NUP93: variants seen among roughly 807,000 people sequenced by gnomAD.
NUP93 encodes nuclear pore complex protein Nup93.
In NUP93, 55 loss-of-function variants were observed where a neutral mutation model predicts 107.8. The observed-to-expected ratio is 0.51, with a 90% CI of 0.41 to 0.64. NUP93 has a LOEUF of 0.64. Among genes scored for constraint, NUP93 ranks in the 30% least tolerant of loss-of-function variants. The pLI is 0.00. For synonymous variants in NUP93, 390 were observed against 397.5 expected, an observed-to-expected ratio of 0.98 and a Z score of 0.22; for missense variants, 937 against 1,044.7, an observed-to-expected ratio of 0.90 and a Z score of 1.42.
chr16:56,825,541 T>C (rs1333249828), intron 8 of NUP93, among the ~76,000 whole-genome samples: 7 of 151,910 alleles, frequency 4.6e-5, no homozygotes, highest in Admixed American at 3.9e-4. Flanking sequence ...TTTCAATGAG[T>C]GTAAGTGTAT....
At chr16:56,755,380 T>C (rs1291104350) in intron 2 of NUP93, among the ~76,000 whole-genome samples, 4 of 151,828 alleles carry the variant, frequency 2.6e-5, no homozygotes, top group Admixed American at 6.6e-5. Flanking sequence ...CTGTATATTG[T>C]GTGATTGCAT....
intron 21 of NUP93, among the ~76,000 whole-genome samples, chr16:56,842,169 A>G (rs548711955): frequency 6.6e-6 from 1 of 152,292 alleles, no homozygotes; most frequent in South Asian, 2.1e-4. Context: ...ATTAGTGAAC[A>G]CTTTTATTAA....
chr16:56,757,989 T>C (rs1962056038), intron 2 of NUP93, among the ~76,000 whole-genome samples: 1 of 151,922 alleles, frequency 6.6e-6, no homozygotes, highest in African/African-American at 2.4e-5. Context: ...GAGAATCACA[T>C]GAACCTGGGA....
chr16:56,843,985 A>G (rs1257222684), intron 21 of NUP93, among the ~76,000 whole-genome samples: 1 of 152,194 alleles, frequency 6.6e-6, no homozygotes, highest in Non-Finnish European at 1.5e-5. Flanking sequence ...GAAGGGAGAA[A>G]CAGGAGGAAT....
rs1964154117 is a variant in NUP93 at position 56,849,621 on chromosome 16, G to A, written c.*5012G>A. The A allele has an allele frequency of 6.6e-6, 1 of 152,172 alleles. No homozygotes were observed. The highest frequency in any genetic ancestry group is 1.5e-5 in the Non-Finnish European group (1 of 68,050). The allele number at this position is 152,172 out of a possible 1,614,324, so 9.4% of individuals were successfully genotyped here. A position where few individuals can be genotyped will look rare whatever the true frequency, so the allele number is the denominator to read the frequency against. On this transcript the variant is annotated 3_prime_UTR_variant, in exon 22 of 22. Transcript: ENST00000308159. ...GCCTGCAGGTAAGGCCCCTTCATCC[G>A]GGTCAGACTTAGCAAATAAAAATAT...
At chr16:56,805,711 T>A in intron 5 of NUP93, 79 bp downstream of exon 5, 1 of 1,474,420 alleles carries the variant, frequency 6.8e-7, no homozygotes, top group Non-Finnish European at 9.3e-7. Flanking sequence ...ACTAGTATTT[T>A]TGGCACAGTG....
At chr16:56,798,682 A>G (rs1354712095) in intron 4 of NUP93, 144 bp downstream of exon 4, 11 of 669,044 alleles carry the variant, frequency 1.6e-5, no homozygotes, top group East Asian at 2.8e-5. Context: ...AGCCTAGGCA[A>G]CATAGTGAGA....
At chr16:56,801,497 C>T (rs1203744120) in intron 4 of NUP93, among the ~76,000 whole-genome samples, 1 of 151,800 alleles carries the variant, frequency 6.6e-6, no homozygotes, top group Admixed American at 6.6e-5. Context: ...ACCGCAACCT[C>T]CATCTCCAGG....
chr16:56,839,654 C>A, intron 20 of NUP93, 50 bp downstream of exon 20: 1 of 1,415,402 alleles, frequency 7.1e-7, no homozygotes, highest in Non-Finnish European at 1.0e-6. Context: ...CCACTTCCAC[C>A]AAAAGCTTTT....
intron 5 of NUP93, among the ~76,000 whole-genome samples, chr16:56,817,410 C>T (rs1963455897): frequency 6.6e-6 from 1 of 152,208 alleles, no homozygotes; most frequent in Non-Finnish European, 1.5e-5. Context: ...TGCTGGGAAG[C>T]TTGGCTGTTA....
At position 56,837,733 on chromosome 16, in the gene NUP93, C is replaced by G. The variant is rs750752760; in HGVS notation, c.2018+7C>G. ...CACTCTCCATTGCCGAACGGTAAGC[C>G]AGGAGCTGGCTCCATGGGACCCTGA... On this transcript the variant is annotated splice_region_variant and intron_variant, in intron 18 of 21. Transcript: ENST00000308159. 1.2e-6 allele frequency: 2 copies of G among 1,609,540 alleles called. No individual in the cohort carries two copies. Among genetic ancestry groups the G allele is most frequent in the Non-Finnish European group, 1.7e-6 (2 of 1,176,518 alleles).
Position 56,789,203 on chromosome 16 carries a change from G to T in NUP93, c.298-9273G>T, listed in dbSNP as rs1189804724. ...GGACCAAGCATGCCAGCACACTTGG[G>T]CTAAAGTGTTGCCTGTAAAGCCCTT... On this transcript the variant is annotated intron_variant, in intron 3 of 21. Transcript: ENST00000308159. Among the ~76,000 whole-genome samples, 4 of 152,304 alleles carry T rather than the reference G, an allele frequency of 2.6e-5. No individual in the cohort carries two copies. In the East Asian group the frequency reaches 7.7e-4, roughly 29 times the overall value.
chr16:56,738,102 A>G (rs1315998132), intron 1 of NUP93, among the ~76,000 whole-genome samples: 1 of 152,228 alleles, frequency 6.6e-6, no homozygotes, highest in Non-Finnish European at 1.5e-5. Context: ...AGCATCAAGT[A>G]AGTTTAAAGA....
chr16:56,730,563 A>G (rs4784726), intron 1 of NUP93, among the ~76,000 whole-genome samples: 22,565 of 151,268 alleles, frequency 0.15, 1,965 homozygotes, highest in Non-Finnish European at 0.19. Flanking sequence ...CTGCGCCACA[A>G]CGCCCCGCCT....
chr16:56,829,124 C>T lies in NUP93; in HGVS notation c.927+15C>T. 1.2e-6 allele frequency: 2 copies of T among 1,609,010 alleles called. No homozygotes were observed. The highest frequency in any genetic ancestry group is 1.7e-6 in the Non-Finnish European group (2 of 1,178,676). ...CTGGACTACAGGTACTGACAACTTT[C>T]TCTGTGTGATCAGTTACACCCCCAG... On this transcript the variant is annotated intron_variant, in intron 9 of 21. Transcript: ENST00000308159.
intron 3 of NUP93, among the ~76,000 whole-genome samples, chr16:56,764,559 GTCTA>G (rs1331867387): frequency 2.0e-5 from 3 of 152,152 alleles, no homozygotes; most frequent in Non-Finnish European, 2.9e-5. Context: ...TATTTTTATA[GTCTA>G]TCTTTTAGTT....
chr16:56,830,561 C>G lies in NUP93; in HGVS notation c.961C>G (p.Leu321Val). The G allele has an allele frequency of 6.3e-7, 1 of 1,597,102 alleles. No homozygotes were observed. Among genetic ancestry groups the G allele is most frequent in the Non-Finnish European group, 8.6e-7 (1 of 1,166,402 alleles). Residue 321 changes from leucine (L) to valine (V), a missense_variant, in exon 10 of 22, where the codon CTA (leucine) becomes GTA (valine). Coordinates refer to ENST00000308159, the MANE Select transcript of NUP93 (RefSeq NM_014669.5). ...GGTGGAAGGCCATCCTGTGTGGGCG[C>G]TAATTTACTACTGCATGCGCTGTGG... ...GEVEGHPVWA[L>V]IYYCMRCGDL...
intron 4 of NUP93, among the ~76,000 whole-genome samples, chr16:56,805,248 A>G (rs868679600): frequency 3.3e-5 from 5 of 152,112 alleles, no homozygotes; most frequent in Non-Finnish European, 5.9e-5. Context: ...GGGTTTTGCC[A>G]TGTTGCCTAA....
At chr16:56,828,900 A>G (rs1963722850) in intron 8 of NUP93, 77 bp from the exon 9 acceptor site, 6 of 1,462,406 alleles carry the variant, frequency 4.1e-6, no homozygotes, top group South Asian at 1.2e-5. Flanking sequence ...CTACAGTGTA[A>G]TGTCATGGAT....
Sources: gnomAD v4.1 joint callset for allele counts (sites outside exome capture counted in the v4.1 genomes callset) on GRCh38, gnomAD v4.1.1 for gene constraint, MANE v1.5 for transcripts, NCBI Gene and HGNC (gene_info 2026-07-23, HGNC 2026-07-21) for gene names.